Variants in CHN2 observed in about 807,000 individuals in gnomAD.
CHN2 encodes the protein beta-chimaerin.
Under a neutral mutation model 56.3 loss-of-function variants are expected in CHN2, and 35 were observed. The ratio of observed to expected loss-of-function variants is 0.62; its 90% CI spans 0.47 to 0.82. CHN2 has a LOEUF of 0.82. CHN2 is among the 40% of genes least tolerant of loss of function. The pLI is 0.00. For missense variants in CHN2, 491 were observed against 580.5 expected, an observed-to-expected ratio of 0.85 and a Z score of 1.58; for synonymous variants, 210 against 212.8, an observed-to-expected ratio of 0.99 and a Z score of 0.12.
At chr7:29,479,928 A>G (rs1473350251) in intron 6 of CHN2, 4 of 1,438,868 alleles carry the variant, frequency 2.8e-6, no homozygotes. Context: ...ATCCTTATTC[A>G]GAAGCCGGGC....
At chr7:29,400,418 C>G (rs1476945608) in intron 5 of CHN2, 125 bp from the exon 6 acceptor site, 6 of 925,478 alleles carry the variant, frequency 6.5e-6, no homozygotes, top group Non-Finnish European at 8.3e-6. Flanking sequence ...AAAAAAATCA[C>G]ATCAAGTGCT....
At chr7:29,181,191 C>T (rs931741010) in intron 2 of CHN2, 2 of 152,074 alleles carry the variant, frequency 1.3e-5, no homozygotes, top group Admixed American at 6.5e-5. Context: ...ACAATTTTTC[C>T]AGAAGGCAGC....
intron 2 of CHN2, among the ~76,000 whole-genome samples, chr7:29,362,208 G>A (rs939719509): frequency 6.6e-6 from 1 of 152,168 alleles, no homozygotes; most frequent in African/African-American, 2.4e-5. Context: ...CACTGGCTGA[G>A]GCTGAAAACT....
chr7:29,356,478 C>T (rs914352580), intron 2 of CHN2, among the ~76,000 whole-genome samples: 1 of 152,212 alleles, frequency 6.6e-6, no homozygotes, highest in South Asian at 2.1e-4. Flanking sequence ...TCTCTCCTTT[C>T]CCAGTAGCTG....
Position 29,463,914 on chromosome 7 carries a change from C to T in CHN2, c.577-16365C>T, listed in dbSNP as rs1411124171. On this transcript the variant is annotated intron_variant, in intron 6 of 12. Coordinates refer to ENST00000222792, the MANE Select transcript of CHN2 (RefSeq NM_004067.4). ...ATGGCTGAATTGTACCTTATGCCAT[C>T]GGGTGTGGCCAGTAATCCTGTGCTT... Among the ~76,000 whole-genome samples the T allele has an allele frequency of 3.9e-5, 6 of 152,212 alleles. No individual in the cohort carries two copies. In the South Asian group the frequency reaches 6.2e-4, roughly 16 times the overall value.
At chr7:29,310,694 AAAACCCATTTCCTGATTCAT>A (rs1181160931) in intron 1 of CHN2, among the ~76,000 whole-genome samples, 1 of 152,222 alleles carries the variant, frequency 6.6e-6, no homozygotes, top group African/African-American at 2.4e-5. Context: ...GTGTCTGGTG[AAAACCCATTTCCTGATTCAT>A]AAACAGGGCC....
At chr7:29,213,211 T>C in intron 1 of CHN2, 2 of 1,192,358 alleles carry the variant, frequency 1.7e-6, no homozygotes. Flanking sequence ...CCTGAAGATG[T>C]GTGAAGATGA....
intron 1 of CHN2, chr7:29,212,347 C>A (rs1414468777): frequency 1.3e-6 from 2 of 1,507,790 alleles, no homozygotes; most frequent in Non-Finnish European, 1.8e-6. Context: ...TGCTTCGAAG[C>A]ATCCGACTGT....
chr7:29,446,232 A>G (rs1454854285), intron 6 of CHN2, among the ~76,000 whole-genome samples: 1 of 152,190 alleles, frequency 6.6e-6, no homozygotes, highest in Non-Finnish European at 1.5e-5. Flanking sequence ...CCACTAAAGT[A>G]TTTATCCATG....
intron 1 of CHN2, among the ~76,000 whole-genome samples, chr7:29,209,155 G>A (rs570682050): frequency 6.6e-6 from 1 of 152,082 alleles, no homozygotes; most frequent in East Asian, 1.9e-4. Flanking sequence ...CCCCTTCCTG[G>A]AGTGCAGATG....
At chr7:29,265,724 A>G (rs766546175) in intron 1 of CHN2, among the ~76,000 whole-genome samples, 3 of 151,072 alleles carry the variant, frequency 2.0e-5, no homozygotes, top group Non-Finnish European at 2.9e-5. Context: ...TGTAGGGAGG[A>G]GAATCCTTGG....
At chr7:29,185,358 G>T (rs1470322541) in intron 2 of CHN2, among the ~76,000 whole-genome samples, 1 of 152,098 alleles carries the variant, frequency 6.6e-6, no homozygotes, top group Non-Finnish European at 1.5e-5. Flanking sequence ...GCCCCACATT[G>T]ACTGAGAAAA....
rs545893172 is a variant in CHN2, at chr7:29,154,981, C to T, written c.274+8021C>T. Among the ~76,000 whole-genome samples the T allele has an allele frequency of 7.9e-5, 12 of 152,304 alleles. No homozygotes were observed. In the South Asian group the frequency reaches 2.5e-3, roughly 32 times the overall value. On this transcript the variant is annotated intron_variant, in intron 2 of 6. Transcript: ENST00000439384. The stretch of plus-strand genomic sequence containing the variant: ...ACAAGGAGGAGCAAGTCACATCTTA[C>T]ATGGATGGTGGCAGGCAAAGAGAAG...
chr7:29,425,604 T>C (rs1341885943), intron 6 of CHN2, among the ~76,000 whole-genome samples: 1 of 152,186 alleles, frequency 6.6e-6, no homozygotes, highest in Admixed American at 6.5e-5. Context: ...ACTTTAGACC[T>C]AACTGTAGCA....
At chr7:29,204,065 CTCTGTGTGTGTGTGTGTGTGTG>C (rs1379833753) in intron 1 of CHN2, among the ~76,000 whole-genome samples, 4 of 136,012 alleles carry the variant, frequency 2.9e-5, no homozygotes, top group Non-Finnish European at 3.1e-5. Context: ...TTTTCTCTCT[CTCTGTGTGTGTGTGTGTGTGTG>C]TGTGTGTGTG....
At chr7:29,180,059 T>C (rs935517016) in intron 2 of CHN2, among the ~76,000 whole-genome samples, 2 of 152,340 alleles carry the variant, frequency 1.3e-5, no homozygotes, top group African/African-American at 4.8e-5. Flanking sequence ...ATGTAGGTTA[T>C]TTCATTTCCA....
At chr7:29,507,836 C>G (rs976149794) in intron 11 of CHN2, among the ~76,000 whole-genome samples, 2 of 151,976 alleles carry the variant, frequency 1.3e-5, no homozygotes, top group African/African-American at 4.8e-5. Context: ...ATTTTAAAAT[C>G]TTATAATGTT....
intron 2 of CHN2, among the ~76,000 whole-genome samples, chr7:29,151,846 A>AT (rs1187550104): frequency 6.6e-6 from 1 of 152,208 alleles, no homozygotes; most frequent in Non-Finnish European, 1.5e-5. Flanking sequence ...ATTTGACGAA[A>AT]TTGTATGTAT....
chr7:29,487,919 A>G (rs1269304941), intron 7 of CHN2, among the ~76,000 whole-genome samples: 1 of 152,360 alleles, frequency 6.6e-6, no homozygotes, highest in East Asian at 1.9e-4. Context: ...GAGGTTTTTG[A>G]GCAGGGAAGT....
Sources: gnomAD v4.1 joint callset for allele counts (sites outside exome capture counted in the v4.1 genomes callset) on GRCh38, gnomAD v4.1.1 for gene constraint, MANE v1.5 for transcripts, NCBI Gene and HGNC (gene_info 2026-07-23, HGNC 2026-07-21) for gene names.